IQANK1: variants seen among roughly 807,000 people sequenced by gnomAD.
IQANK1 encodes the protein IQ motif and ankyrin repeat containing 1, also known as IQ motif and ankyrin repeat domain-containing protein 1.
A neutral mutation model predicts 22.6 loss-of-function variants in IQANK1; 30 were observed. That is an observed-to-expected ratio of 1.33 (90% confidence interval 0.99 to 1.80). The LOEUF is 1.80. Ranked by LOEUF, IQANK1 falls within the 40% of genes most tolerant of loss-of-function variation. IQANK1 has a pLI of 0.00. For missense variants in IQANK1, 275 were observed against 235.2 expected (o/e 1.17, Z -1.11); for synonymous variants, 122 against 99.6 (o/e 1.23, Z -1.34).
intron 3 of IQANK1, among the ~76,000 whole-genome samples, chr8:143,750,737 C>T (rs1819171979): frequency 6.6e-6 from 1 of 152,056 alleles, no homozygotes; most frequent in Admixed American, 6.6e-5. Flanking sequence ...TCACTTGAAC[C>T]CAGGAGTTTG....
chr8:143,752,338 T>A (rs1425218210), intron 3 of IQANK1, among the ~76,000 whole-genome samples: 5 of 152,200 alleles, frequency 3.3e-5, no homozygotes, highest in African/African-American at 4.8e-5. Context: ...AATCTGCTTG[T>A]CATTTTATTG....
chr8:143,770,151 T>C (rs1819546261), intron 3 of IQANK1, among the ~76,000 whole-genome samples: 1 of 152,240 alleles, frequency 6.6e-6, no homozygotes, highest in Admixed American at 6.5e-5. Flanking sequence ...ATAGGTGCTT[T>C]GCTCTTTCTC....
At chr8:143,741,817 C>T (rs2129781810) in intron 3 of IQANK1, 1 of 156,056 alleles carries the variant, frequency 6.4e-6, no homozygotes, top group Non-Finnish European at 1.4e-5. Flanking sequence ...GGAAGTCCAT[C>T]CAGACAGAGC....
In IQANK1 at chr8:143,739,918, G is replaced by T. The variant is rs1554626225; in HGVS notation, c.145G>T (p.Ala49Ser). ...AGCGGGCTGGCAGGCGAGGGAGCCC[G>T]CGTCGGCTGAGAGCCCACAGGCCCC... ...RKAGWQAREP[A>S]SAESPQAPTG... The change falls in exon 3 of 14, where the codon GCG becomes TCG. Residue 49 changes from alanine to serine, a missense_variant. Physicochemically the swap from Ala to Ser is moderately conservative, Grantham distance 99. Transcript: ENST00000527139. The T allele has an allele frequency of 1.0e-5, 7 of 699,742 alleles. No individual in the cohort carries two copies. Among genetic ancestry groups the T allele is most frequent in the Non-Finnish European group, 1.6e-5 (6 of 383,690 alleles). 43.3% of individuals were successfully genotyped at this position (699,742 alleles called of 1,614,324 possible).
At position 143,789,521 on chromosome 8, in the gene IQANK1, C is replaced by T. The variant is rs1486359911; in HGVS notation, c.1079C>T (p.Thr360Met). Reference protein sequence around the residue: ...EWRCMDKTKLTLQAIKDTEAQ... With the variant: ...EWRCMDKTKLMLQAIKDTEAQ... ...AGGTGCATGGACAAGACCAAGCTCA[C>T]GCTGCAGGTGGGGGCCCGTGGTGGA... Residue 360 changes from threonine to methionine, a missense_variant, in exon 10 of 14, where the codon ACG becomes ATG. Thr to Met is a moderately conservative substitution (Grantham distance 81, BLOSUM62 -1). Transcript: ENST00000527139. 12 of 1,231,940 alleles carry T rather than the reference C, an allele frequency of 9.7e-6. No homozygotes were observed. Among genetic ancestry groups the T allele is most frequent in the East Asian group, 6.3e-5 (2 of 31,702 alleles). The allele number at this position is 1,231,940 out of a possible 1,614,324, so 76.3% of individuals were successfully genotyped here.
intron 3 of IQANK1, among the ~76,000 whole-genome samples, chr8:143,751,570 C>T (rs1554628020): frequency 6.7e-6 from 1 of 148,194 alleles, no homozygotes; most frequent in Non-Finnish European, 1.5e-5. Flanking sequence ...CAAGATCATG[C>T]CATTTCACTC....
intron 11 of IQANK1, 43 bp from the exon 12 acceptor site, chr8:143,789,928 G>A (rs1283407478): frequency 1.8e-5 from 22 of 1,231,796 alleles, no homozygotes; most frequent in African/African-American, 1.2e-4. Flanking sequence ...GGCGGGGTCC[G>A]GCGTCGGGCT....
chr8:143,790,128 T>C lies in IQANK1; in HGVS notation c.1290-9T>C, dbSNP rs1819999860. On this transcript the variant is annotated splice_polypyrimidine_tract_variant and intron_variant, in intron 12 of 13. Transcript: ENST00000527139. ...GGACAGACAGCAGTGACCTGATGGG[T>C]GTCCCCAGGTGGCCTCTTGTTATTG... 7 of 1,231,898 alleles carry C rather than the reference T, an allele frequency of 5.7e-6. No homozygotes were observed. Among genetic ancestry groups the C allele is most frequent in the East Asian group, 3.2e-5 (1 of 31,718 alleles). 76.3% of individuals were successfully genotyped at this position (1,231,898 alleles called of 1,614,324 possible).
At chr8:143,751,929 AGTT>A (rs1314491889) in intron 3 of IQANK1, among the ~76,000 whole-genome samples, 1 of 2,992 alleles carries the variant, frequency 3.3e-4, no homozygotes, top group Non-Finnish European at 2.0e-3. Context: ...CTTTTTTGCC[AGTT>A]TTTTTTTTCT....
intron 7 of IQANK1, among the ~76,000 whole-genome samples, chr8:143,788,125 A>C (rs142515198): frequency 7.2e-5 from 11 of 152,234 alleles, no homozygotes; most frequent in Non-Finnish European, 1.5e-4. Flanking sequence ...TGGCCACACT[A>C]GACAACAGGC....
intron 7 of IQANK1, among the ~76,000 whole-genome samples, chr8:143,788,091 G>A (rs887412008): frequency 4.6e-5 from 7 of 152,204 alleles, no homozygotes; most frequent in South Asian, 4.1e-4. Context: ...GCCTCCTTCC[G>A]CTGTCATCCA....
At chr8:143,768,029 G>A (rs1035693849) in intron 3 of IQANK1, among the ~76,000 whole-genome samples, 2 of 150,122 alleles carry the variant, frequency 1.3e-5, no homozygotes, top group East Asian at 2.0e-4. Context: ...GATTACAGGC[G>A]CCGCCACCAC....
chr8:143,754,445 AAGCTCCCAT>A (rs1554628344), intron 3 of IQANK1, among the ~76,000 whole-genome samples: 2 of 152,096 alleles, frequency 1.3e-5, no homozygotes, highest in African/African-American at 4.8e-5. Context: ...ATGCGCCTGC[AAGCTCCCAT>A]GCTTGTTGAT....
Position 143,774,878 on chromosome 8 carries a change from G to A in IQANK1, c.789+2396G>A, listed in dbSNP as rs1310024143. 1.3e-5 allele frequency among the ~76,000 whole-genome samples: 2 copies of A among 152,186 alleles called. No homozygotes were observed. The highest frequency in any genetic ancestry group is 4.8e-5 in the African/African-American group (2 of 41,440). On this transcript the variant is annotated intron_variant, in intron 7 of 13. Coordinates refer to ENST00000527139, the MANE Select transcript of IQANK1 (RefSeq NM_001381874.1). The surrounding 1 kb of genome is among the most constrained non-coding windows in gnomAD (Gnocchi z 4.2). Reference sequence around the variant, plus strand: ...AGCAACGTGGAGAAACCGGAAGGGAGCTTCACAGAGTGGGGGAGAAGGTCA... The same window carrying A: ...AGCAACGTGGAGAAACCGGAAGGGAACTTCACAGAGTGGGGGAGAAGGTCA...
rs117471264 is a variant in IQANK1 at position 143,742,977 on chromosome 8, C to T, written c.175+3029C>T. Reference sequence around the variant, plus strand: ...AGCCTAGATCTATGGACCCCTTCACCGGGTGCTTTATCCCCCACCCCCCAG... The same window carrying T: ...AGCCTAGATCTATGGACCCCTTCACTGGGTGCTTTATCCCCCACCCCCCAG... On this transcript the variant is annotated intron_variant, in intron 3 of 13. Coordinates refer to ENST00000527139, the MANE Select transcript of IQANK1 (RefSeq NM_001381874.1). The T allele has an allele frequency of 4.7e-4, 213 of 456,086 alleles. No individual in the cohort carries two copies. The East Asian group carries it at 0.011, about 24-fold the overall frequency. The allele number at this position is 456,086 out of a possible 1,614,324, so 28.3% of individuals were successfully genotyped here. A position where few individuals can be genotyped will look rare whatever the true frequency, so the allele number is the denominator to read the frequency against.
At chr8:143,754,934 A>G (rs543752638) in intron 3 of IQANK1, among the ~76,000 whole-genome samples, 31 of 152,180 alleles carry the variant, frequency 2.0e-4, no homozygotes, top group African/African-American at 7.5e-4. Context: ...CCAGGTAGCA[A>G]TCTTCTGTAA....
chr8:143,751,904 G>A (rs1191579479), intron 3 of IQANK1, among the ~76,000 whole-genome samples: 1 of 132,548 alleles, frequency 7.5e-6, no homozygotes, highest in Admixed American at 8.6e-5. Flanking sequence ...GGATAGTTTT[G>A]CTGGATATAG....
intron 7 of IQANK1, among the ~76,000 whole-genome samples, chr8:143,788,531 G>GCCTCCTGCGGA (rs1819938192): frequency 6.6e-6 from 1 of 152,074 alleles, no homozygotes; most frequent in Non-Finnish European, 1.5e-5. Flanking sequence ...CATCCTGCGG[G>GCCTCCTGCGGA]CCAGCCTCCT....
intron 3 of IQANK1, among the ~76,000 whole-genome samples, chr8:143,770,718 G>A (rs778139897): frequency 2.0e-5 from 3 of 152,276 alleles, no homozygotes; most frequent in Non-Finnish European, 2.9e-5. Context: ...GGCCACCCGT[G>A]CCCTGGCACA....
Sources: gnomAD v4.1 joint callset for allele counts (sites outside exome capture counted in the v4.1 genomes callset) on GRCh38, gnomAD v4.1.1 for gene constraint, Gnocchi (gnomAD v3.1) non-coding constraint, MANE v1.5 for transcripts, NCBI Gene and HGNC (gene_info 2026-07-23, HGNC 2026-07-21) for gene names.